CHORDC1: variants seen among roughly 807,000 people sequenced by gnomAD.
CHORDC1 encodes cysteine and histidine rich domain containing 1.
CHORDC1 carries 25 observed loss-of-function variants against 48.3 expected under a neutral mutation model. The observed-to-expected ratio is 0.52, with a 90% CI of 0.38 to 0.72. The LOEUF (loss-of-function observed/expected upper bound fraction) is 0.72. CHORDC1 is among the 30% of genes least tolerant of loss of function. CHORDC1 has a pLI of 0.00. For synonymous variants in CHORDC1, 128 were observed against 126.4 expected (o/e 1.01, Z -0.09); for missense variants, 317 against 388.7 (o/e 0.82, Z 1.55).
At position 90,206,182 on chromosome 11, in the gene CHORDC1, A is replaced by AT. The variant is rs764404978; in HGVS notation, c.563+19dup. On this transcript the variant is annotated intron_variant, in intron 7 of 10. Transcript: ENST00000320585. ...CTAAATTCTACCATAAACTATTTTA[A>AT]TAAGTCATGCATAAGTTACCCCTCA... 7 of 1,343,620 alleles carry AT rather than the reference A, an allele frequency of 5.2e-6. No individual in the cohort carries two copies. The African/African-American group carries it at 1.0e-4, about 19-fold the overall frequency. The allele number at this position is 1,343,620 out of a possible 1,614,324, so 83.2% of individuals were successfully genotyped here. A position where few individuals can be genotyped will look rare whatever the true frequency, so the allele number is the denominator to read the frequency against.
intron 8 of CHORDC1, among the ~76,000 whole-genome samples, chr11:90,204,513 G>A (rs992879889): frequency 6.6e-6 from 1 of 152,094 alleles, no homozygotes; most frequent in Non-Finnish European, 1.5e-5. Context: ...GAGGTCAGGA[G>A]TCCAAGACCA....
At chr11:90,203,087 A>C (rs1326897361) in intron 9 of CHORDC1, among the ~76,000 whole-genome samples, 1 of 152,158 alleles carries the variant, frequency 6.6e-6, no homozygotes, top group Non-Finnish European at 1.5e-5. Flanking sequence ...TTACTTGATA[A>C]ATCTACTACA....
chr11:90,201,366 T>C lies in CHORDC1; in HGVS notation c.*1039A>G, dbSNP rs773261026. ...AAACGATCTAATTCTGTATTACCTA[T>C]ATTTAATATAAAGTACAATATATAG... is the stretch of plus-strand genomic sequence containing the variant. On this transcript the variant is annotated 3_prime_UTR_variant, in exon 11 of 11. Coordinates refer to ENST00000320585, the MANE Select transcript of CHORDC1 (RefSeq NM_012124.3). 30 of 152,010 alleles carry C rather than the reference T, an allele frequency of 2.0e-4. No homozygotes were observed. The highest frequency in any genetic ancestry group is 3.2e-4 in the Non-Finnish European group (22 of 67,820). The allele number at this position is 152,010 out of a possible 1,614,324, so 9.4% of individuals were successfully genotyped here. A position where few individuals can be genotyped will look rare whatever the true frequency, so the allele number is the denominator to read the frequency against.
intron 2 of CHORDC1, among the ~76,000 whole-genome samples, chr11:90,215,634 T>C: frequency 6.6e-6 from 1 of 151,462 alleles, no homozygotes; most frequent in Admixed American, 6.6e-5. Context: ...AGTAACTATC[T>C]TTAGTTAATT....
chr11:90,210,284 C>T (rs1857823988), intron 6 of CHORDC1, among the ~76,000 whole-genome samples: 1 of 152,160 alleles, frequency 6.6e-6, no homozygotes, highest in Non-Finnish European at 1.5e-5. Context: ...TACTATGTCT[C>T]CAGCCCATAA....
At chr11:90,203,203 C>A in intron 9 of CHORDC1, 105 bp downstream of exon 9, 1 of 1,109,172 alleles carries the variant, frequency 9.0e-7, no homozygotes, top group South Asian at 2.0e-5. Context: ...ATTATAAAAT[C>A]TTACCCCCAA....
chr11:90,207,505 T>C (rs1219003002), intron 6 of CHORDC1: 1 of 152,052 alleles, frequency 6.6e-6, no homozygotes, highest in Non-Finnish European at 1.5e-5. Context: ...AAAAAGCAAT[T>C]TGATAAAAAG....
At chr11:90,202,654 T>C (rs1018211491) in intron 10 of CHORDC1, 103 bp from the exon 11 acceptor site, 2 of 1,422,916 alleles carry the variant, frequency 1.4e-6, no homozygotes, top group African/African-American at 2.9e-5. Flanking sequence ...TCCAAGCTTC[T>C]AAAGGCCTCT....
At position 90,203,435 on chromosome 11, in the gene CHORDC1, G is replaced by A; in HGVS notation, c.670-8C>T. On this transcript the variant is annotated splice_polypyrimidine_tract_variant and splice_region_variant and intron_variant, in intron 8 of 10. Transcript: ENST00000320585. Reference sequence around the variant, plus strand: ...TGGAACAACTTTTTTCCCCTGTAATGTAAGAGAAACTCTGTAAGTTAAAAA... The same window carrying A: ...TGGAACAACTTTTTTCCCCTGTAATATAAGAGAAACTCTGTAAGTTAAAAA... 6.5e-7 allele frequency: 1 copy of A among 1,536,024 alleles called. No homozygotes were observed. Among genetic ancestry groups the A allele is most frequent in the South Asian group, 1.3e-5 (1 of 79,794 alleles).
chr11:90,221,658 G>A (rs1858174996), intron 1 of CHORDC1, among the ~76,000 whole-genome samples: 1 of 152,172 alleles, frequency 6.6e-6, no homozygotes, highest in Non-Finnish European at 1.5e-5. Flanking sequence ...TCTCGATTTT[G>A]TCATCGACTG....
chr11:90,212,279 T>TA (rs1857891279), intron 4 of CHORDC1: 1 of 152,130 alleles, frequency 6.6e-6, no homozygotes, highest in African/African-American at 2.4e-5. Flanking sequence ...TGATAGTGAA[T>TA]AAGTCTCAGA....
At chr11:90,205,362 CTT>C (rs1857651594) in intron 8 of CHORDC1, 96 bp downstream of exon 8, 3 of 853,370 alleles carry the variant, frequency 3.5e-6, no homozygotes, top group Non-Finnish European at 3.8e-6. Flanking sequence ...AAAAAGAAAA[CTT>C]TTTTTTAAAA....
intron 4 of CHORDC1, chr11:90,213,028 C>A (rs1338942146): frequency 5.2e-5 from 9 of 174,048 alleles, no homozygotes; most frequent in Non-Finnish European, 1.2e-5. Flanking sequence ...TAAGAATGAG[C>A]CATGACTGAA....
intron 1 of CHORDC1, among the ~76,000 whole-genome samples, chr11:90,221,416 C>A (rs547843082): frequency 1.3e-5 from 2 of 152,284 alleles, no homozygotes; most frequent in South Asian, 2.1e-4. Context: ...GTACTGCTGA[C>A]CACCCAAGTT....
intron 5 of CHORDC1, chr11:90,210,850 T>C: frequency 2.5e-6 from 1 of 395,992 alleles, no homozygotes; most frequent in Non-Finnish European, 4.5e-6. Flanking sequence ...AAATAAATCA[T>C]GAAAGGGTGT....
intron 5 of CHORDC1, 99 bp downstream of exon 5, chr11:90,211,115 CT>C: frequency 1.3e-6 from 1 of 766,954 alleles, no homozygotes; most frequent in Non-Finnish European, 2.1e-6. Context: ...CAATGTGCGA[CT>C]TTTCCCTATT....
Position 90,206,192 on chromosome 11 carries a change from C to T in CHORDC1, c.563+10G>A. On this transcript the variant is annotated intron_variant, in intron 7 of 10. Coordinates refer to ENST00000320585, the MANE Select transcript of CHORDC1 (RefSeq NM_012124.3). Reference sequence around the variant, plus strand: ...CCATAAACTATTTTAATAAGTCATGCATAAGTTACCCCTCATGGAAAATAG... The same window carrying T: ...CCATAAACTATTTTAATAAGTCATGTATAAGTTACCCCTCATGGAAAATAG... The T allele has an allele frequency of 7.0e-7, 1 of 1,432,116 alleles. No homozygotes were observed. The highest frequency in any genetic ancestry group is 1.1e-5 in the South Asian group (1 of 87,266). The allele number at this position is 1,432,116 out of a possible 1,614,324, so 88.7% of individuals were successfully genotyped here.
At chr11:90,209,645 G>T (rs1374126209) in intron 6 of CHORDC1, among the ~76,000 whole-genome samples, 2 of 152,094 alleles carry the variant, frequency 1.3e-5, no homozygotes, top group African/African-American at 4.8e-5. Flanking sequence ...AAGAAATGTT[G>T]GAGGATATGC....
At position 90,202,068 on chromosome 11, in the gene CHORDC1, T is replaced by C; in HGVS notation, c.*337A>G. On this transcript the variant is annotated 3_prime_UTR_variant, in exon 11 of 11. Coordinates refer to ENST00000320585, the MANE Select transcript of CHORDC1 (RefSeq NM_012124.3). ...CTAATTATGGAATAATACAAAAACA[T>C]AAAAAAAATGTTCCTTAATATTTCT... 5.6e-6 allele frequency: 1 copy of C among 177,596 alleles called. No homozygotes were observed. The highest frequency in any genetic ancestry group is 1.5e-4 in the East Asian group (1 of 6,638). The allele number at this position is 177,596 out of a possible 1,614,324, so 11.0% of individuals were successfully genotyped here.
Sources: gnomAD v4.1 joint callset for allele counts (sites outside exome capture counted in the v4.1 genomes callset) on GRCh38, gnomAD v4.1.1 for gene constraint, MANE v1.5 for transcripts, NCBI Gene and HGNC (gene_info 2026-07-23, HGNC 2026-07-21) for gene names.